Variants in GAK observed in about 807,000 individuals in gnomAD.
GAK encodes cyclin-G-associated kinase.
GAK carries 79 observed loss-of-function variants against 143.9 expected under a neutral mutation model. That is an observed-to-expected ratio of 0.55 (90% CI 0.46 to 0.66). The LOEUF is 0.66. GAK is among the 30% of genes least tolerant of loss of function. The pLI is 0.00. For missense variants in GAK, 1,693 were observed against 1,779.7 expected (o/e 0.95, Z 0.88); for synonymous variants, 881 against 765.5 (o/e 1.15, Z -2.49).
intron 4 of GAK, among the ~76,000 whole-genome samples, chr4:911,157 GGCACCCACAGAGGGA>G (rs1240329223): frequency 4.6e-5 from 7 of 152,084 alleles, no homozygotes; most frequent in African/African-American, 1.7e-4. Flanking sequence ...GATGAGGCTG[GGCACCCACAGAGGGA>G]CCTGGAGTTG....
chr4:855,988 C>A (rs191075576), intron 24 of GAK, among the ~76,000 whole-genome samples: 10 of 152,272 alleles, frequency 6.6e-5, no homozygotes, highest in Non-Finnish European at 1.2e-4. Flanking sequence ...ATGTTGGCTG[C>A]AGGTTTCTGG....
chr4:926,731 G>A (rs1436919208), intron 1 of GAK, among the ~76,000 whole-genome samples: 2 of 152,136 alleles, frequency 1.3e-5, no homozygotes, highest in Non-Finnish European at 1.5e-5. Context: ...GAGCCGCCAG[G>A]GGGCAGCTAC....
intron 23 of GAK, among the ~76,000 whole-genome samples, chr4:864,532 C>A (rs75809590): frequency 2.0e-5 from 3 of 152,226 alleles, no homozygotes; most frequent in African/African-American, 4.8e-5. Flanking sequence ...CATACGCATC[C>A]GCGCTACCAG....
intron 11 of GAK, chr4:886,183 C>T (rs1716293522): frequency 6.6e-6 from 1 of 152,262 alleles, no homozygotes; most frequent in African/African-American, 2.4e-5. Context: ...CAGAGCAAAA[C>T]AAACAGCAGG....
At chr4:882,090 A>G in intron 14 of GAK, 50 bp from the exon 15 acceptor site, 1 of 1,545,778 alleles carries the variant, frequency 6.5e-7, no homozygotes, top group Non-Finnish European at 8.8e-7. Flanking sequence ...ATGCAGGACA[A>G]GGGCTCGCGG....
At chr4:872,240 T>G (rs891653896) in intron 18 of GAK, 1 of 152,274 alleles carries the variant, frequency 6.6e-6, no homozygotes, top group Non-Finnish European at 1.5e-5. Flanking sequence ...GAGAGCACCC[T>G]GTGCCCGCCC....
intron 5 of GAK, among the ~76,000 whole-genome samples, chr4:902,261 C>T (rs1206858413): frequency 1.3e-5 from 2 of 150,360 alleles, no homozygotes. Context: ...ACAGAAATGT[C>T]CTCACGTCCC....
At position 849,782 on chromosome 4, in the gene GAK, T is replaced by C. The variant is rs1464882053; in HGVS notation, c.3835-8A>G. 5.0e-6 allele frequency: 8 copies of C among 1,607,810 alleles called. No individual in the cohort carries two copies. In the East Asian group the frequency reaches 6.7e-5, roughly 13 times the overall value. ...GTACGGCTGCCCCGCAGCCTATGGG[T>C]GACAGGCGGTGTAAGCGCCTCTTAT... is the stretch of plus-strand genomic sequence containing the variant. On this transcript the variant is annotated splice_region_variant and splice_polypyrimidine_tract_variant and intron_variant, in intron 27 of 27. Transcript: ENST00000314167.
intron 24 of GAK, among the ~76,000 whole-genome samples, chr4:858,377 G>T (rs1469988982): frequency 6.6e-6 from 1 of 152,190 alleles, no homozygotes; most frequent in Non-Finnish European, 1.5e-5. Context: ...GCAGGCGGAG[G>T]GCTGGGGCTG....
At chr4:855,060 C>G (rs985958758) in intron 24 of GAK, among the ~76,000 whole-genome samples, 5 of 152,054 alleles carry the variant, frequency 3.3e-5, no homozygotes, top group Non-Finnish European at 7.4e-5. Flanking sequence ...ATAAACTATT[C>G]CAGGCATCTA....
intron 15 of GAK, among the ~76,000 whole-genome samples, 192 bp from the exon 16 acceptor site, chr4:878,001 AT>A (rs1342374261): frequency 6.6e-6 from 1 of 152,186 alleles, no homozygotes; most frequent in Non-Finnish European, 1.5e-5. Flanking sequence ...ACATATATGT[AT>A]TTTTAAGACA....
At chr4:849,833 G>GGGGGCGGCCCCCCCC in intron 27 of GAK, 59 bp from the exon 28 acceptor site, 1 of 1,190,154 alleles carries the variant, frequency 8.4e-7, no homozygotes, top group Non-Finnish European at 1.2e-6. Flanking sequence ...GGCGGGGCAG[G>GGGGGCGGCCCCCCCC]ACCCCCCCCC....
chr4:870,925 C>T (rs375257963), intron 18 of GAK, 21 bp from the exon 19 acceptor site: 18 of 1,591,746 alleles, frequency 1.1e-5, no homozygotes, highest in Non-Finnish European at 1.5e-5. Context: ...AAGTAGACAC[C>T]ACTTAGGAAG....
rs762419592 is a variant in GAK, at chr4:877,201, A to G, written c.1863T>C (p.Phe621=). The G allele has an allele frequency of 3.3e-5, 53 of 1,609,702 alleles. No individual in the cohort carries two copies. Among genetic ancestry groups the G allele is most frequent in the African/African-American group, 4.0e-5 (3 of 74,852 alleles). The change falls in exon 17 of 28, where the codon TTT becomes TTC. Residue 621 remains phenylalanine (F), a synonymous_variant. Coordinates refer to ENST00000314167, the MANE Select transcript of GAK (RefSeq NM_005255.4). ...TCACCGCTTTGCCATCTTCAATCTT[A>G]AAGTCCCTAAGGACAGAATGACAAG... ...TSQEYDKMRD[F]KIEDGKAVIP... is the part of the protein sequence containing the mutation.
chr4:854,839 A>T (rs1748848094), intron 24 of GAK, among the ~76,000 whole-genome samples: 2 of 152,112 alleles, frequency 1.3e-5, no homozygotes, highest in East Asian at 3.9e-4. Context: ...AGGTCAGGAG[A>T]TCAAGACCAT....
intron 3 of GAK, 159 bp from the exon 4 acceptor site, chr4:911,946 G>C: frequency 1.7e-6 from 1 of 574,582 alleles, no homozygotes; most frequent in South Asian, 1.7e-5. Context: ...AGAGAGCAGT[G>C]GACGACCGAG....
intron 24 of GAK, chr4:852,270 GTCCAC>G: frequency 2.2e-6 from 1 of 455,762 alleles, no homozygotes; most frequent in Non-Finnish European, 3.9e-6. Flanking sequence ...CCCAGGGCTT[GTCCAC>G]GGGGGTTGGG....
rs1479472884 is a variant in GAK at position 889,003 on chromosome 4, G to C, written c.1082-33C>G. ...GAGACACAGTCTCAGCAGGCCCCAGGTGCTCGGTCCCACCTCCCCAGGTGC... is the reference window on the plus strand; with the variant it reads ...GAGACACAGTCTCAGCAGGCCCCAGCTGCTCGGTCCCACCTCCCCAGGTGC... On this transcript the variant is annotated intron_variant, in intron 10 of 27. Transcript: ENST00000314167. 8.8e-6 allele frequency: 14 copies of C among 1,595,974 alleles called. 1 individual carries two copies. Among genetic ancestry groups the C allele is most frequent in the Non-Finnish European group, 8.5e-6 (10 of 1,174,742 alleles).
chr4:849,726 G>A lies in GAK; in HGVS notation c.3883C>T (p.Leu1295=), dbSNP rs1747719198. The part of the protein sequence containing the change: ...EQHAKMIFME[L]NDAWSEFENQ... Reference sequence around the variant, plus strand: ...TCAAACTCCGACCAGGCGTCATTCAGCTCCATGAAGATCATCTTGGCGTGC... The same window carrying A: ...TCAAACTCCGACCAGGCGTCATTCAACTCCATGAAGATCATCTTGGCGTGC... The change falls in exon 28 of 28, where the codon CTG becomes TTG. Residue 1295 remains leucine (L), a synonymous_variant. Coordinates refer to ENST00000314167, the MANE Select transcript of GAK (RefSeq NM_005255.4). The A allele has an allele frequency of 6.2e-7, 1 of 1,613,528 alleles. No individual in the cohort carries two copies. Among genetic ancestry groups the A allele is most frequent in the Non-Finnish European group, 8.5e-7 (1 of 1,179,720 alleles).
Sources: gnomAD v4.1 joint callset for allele counts (sites outside exome capture counted in the v4.1 genomes callset) on GRCh38, gnomAD v4.1.1 for gene constraint, MANE v1.5 for transcripts, NCBI Gene and HGNC (gene_info 2026-07-23, HGNC 2026-07-21) for gene names.